SPTBN4: variants seen among roughly 807,000 people sequenced by gnomAD.
SPTBN4 encodes spectrin beta chain, non-erythrocytic 4.
SPTBN4 carries 96 observed loss-of-function variants against 277.8 expected under a neutral mutation model. The observed-to-expected ratio is 0.35, with a 90% confidence interval of 0.29 to 0.41. The LOEUF is 0.41. SPTBN4 is among the 10% of genes least tolerant of loss of function. The pLI, the probability that SPTBN4 is intolerant of heterozygous loss-of-function variation, is 1.00. For synonymous variants in SPTBN4, 1,481 were observed against 1,580.3 expected (o/e 0.94, Z 1.49); for missense variants, 3,006 against 3,595.7 (o/e 0.84, Z 4.19).
chr19:40,550,176 G>C, intron 21 of SPTBN4, 62 bp from the exon 22 acceptor site: 1 of 1,438,870 alleles, frequency 6.9e-7, no homozygotes, highest in South Asian at 1.2e-5. Flanking sequence ...TTAAAGTTTA[G>C]TTGCGATGCA....
chr19:40,549,385 A>G lies in SPTBN4; in HGVS notation c.4556A>G (p.Gln1519Arg). The G allele has an allele frequency of 8.0e-7, 1 of 1,247,584 alleles. No individual in the cohort carries two copies. The highest frequency in any genetic ancestry group is 1.0e-6 in the Non-Finnish European group (1 of 977,970). The allele number at this position is 1,247,584 out of a possible 1,614,324, so 77.3% of individuals were successfully genotyped here. Residue 1519 changes from glutamine (Q) to arginine (R), a missense_variant, in exon 21 of 36, where the codon CAG becomes CGG. Physicochemically the swap from Gln to Arg is conservative, Grantham distance 43. Around this residue, in one of 5 missense-constraint regions of SPTBN4, gnomAD observed 1,759 missense variants for 2,061.5 expected, o/e 0.85. Coordinates refer to ENST00000598249, the MANE Select transcript of SPTBN4 (RefSeq NM_020971.3). The stretch of plus-strand genomic sequence containing the variant: ...CTGCTGGCTTCCAAGGAGTTGCACC[A>G]GGTGGCGCACGACCTGGACGACGAG... ...RLLLASKELH[Q>R]VAHDLDDELA...
chr19:40,541,538 G>A (rs1017779529), intron 20 of SPTBN4, among the ~76,000 whole-genome samples: 8 of 152,178 alleles, frequency 5.3e-5, no homozygotes, highest in Non-Finnish European at 1.0e-4. Context: ...AGCCTGGCAC[G>A]TTTCCTGGCT....
Position 40,513,289 on chromosome 19 carries a change from C to A in SPTBN4, c.2500C>A (p.Arg834Ser). The change falls in exon 14 of 36, where the codon CGC (arginine) becomes AGC (serine). Residue 834 changes from arginine to serine, a missense_variant. Arg to Ser is a moderately radical substitution (Grantham distance 110). Transcript: ENST00000598249. ...TCGCGGGCCCGTGAGCGGCCTGCGGCGCCAGCTGGCGACACTCGGGGGTGC... is the reference window on the plus strand; with the variant it reads ...TCGCGGGCCCGTGAGCGGCCTGCGGAGCCAGCTGGCGACACTCGGGGGTGC... ...AHRGPVSGLR[R>S]QLATLGGASG... is the part of the protein sequence containing the mutation. 1 of 1,544,554 alleles carries A rather than the reference C, an allele frequency of 6.5e-7. No individual in the cohort carries two copies. The highest frequency in any genetic ancestry group is 8.7e-7 in the Non-Finnish European group (1 of 1,149,984).
intron 18 of SPTBN4, chr19:40,530,741 C>T (rs1469189844): frequency 4.7e-6 from 1 of 211,374 alleles, no homozygotes. Context: ...GACCCCCACC[C>T]TGGGGGAGGG....
At chr19:40,504,809 C>G (rs1286008238) in intron 12 of SPTBN4, among the ~76,000 whole-genome samples, 3 of 152,002 alleles carry the variant, frequency 2.0e-5, no homozygotes, top group African/African-American at 7.3e-5. Flanking sequence ...GGTGGTGCCA[C>G]TGCACTCCAT....
chr19:40,517,908 A>C (rs1158928402), intron 15 of SPTBN4, among the ~76,000 whole-genome samples: 1 of 152,214 alleles, frequency 6.6e-6, no homozygotes, highest in East Asian at 1.9e-4. Flanking sequence ...CTGATTTCAG[A>C]GTCCTAATCT....
chr19:40,556,590 G>GATT (rs1035308291), intron 25 of SPTBN4, among the ~76,000 whole-genome samples: 7 of 151,862 alleles, frequency 4.6e-5, no homozygotes, highest in African/African-American at 1.7e-4. Context: ...TTTTTATGAT[G>GATT]ATGATGATGA....
intron 1 of SPTBN4, among the ~76,000 whole-genome samples, chr19:40,469,981 T>A (rs1225691153): frequency 6.7e-6 from 1 of 149,142 alleles, no homozygotes; most frequent in African/African-American, 2.5e-5. Context: ...TGTTTTCTAT[T>A]TTTTTATTTT....
At chr19:40,470,610 C>G (rs1026284023) in intron 1 of SPTBN4, among the ~76,000 whole-genome samples, 15 of 147,512 alleles carry the variant, frequency 1.0e-4, no homozygotes, top group African/African-American at 3.3e-4. Flanking sequence ...CCTGCCCCCT[C>G]CACTTTAAAT....
intron 7 of SPTBN4, among the ~76,000 whole-genome samples, chr19:40,499,636 A>G (rs2080241585): frequency 6.6e-6 from 1 of 150,916 alleles, no homozygotes; most frequent in Non-Finnish European, 1.5e-5. Context: ...GACTCAAGCG[A>G]TCCTCCCACC....
Position 40,555,841 on chromosome 19 carries a change from T to C in SPTBN4, c.5085-243T>C, listed in dbSNP as rs183263546. On this transcript the variant is annotated intron_variant, in intron 24 of 35. Coordinates refer to ENST00000598249, the MANE Select transcript of SPTBN4 (RefSeq NM_020971.3). ...CTGCAATGGGAGGATTGCTTGAGCATGGGAGGTGGAGGCTGCAGTGAGTTG... is the reference window on the plus strand; with the variant it reads ...CTGCAATGGGAGGATTGCTTGAGCACGGGAGGTGGAGGCTGCAGTGAGTTG... 4.9e-3 allele frequency among the ~76,000 whole-genome samples: 747 copies of C among 151,714 alleles called. 9 individuals carry two copies. Among genetic ancestry groups the C allele is most frequent in the African/African-American group, 0.017 (716 of 41,366 alleles).
In SPTBN4 at chr19:40,534,258, A is replaced by G; in HGVS notation, c.4274A>G (p.Lys1425Arg). Residue 1425 changes from lysine (K) to arginine (R), a missense_variant, in exon 20 of 36, where the codon AAG becomes AGG. By Grantham distance (26) the Lys-to-Arg change is conservative. This residue lies in a region of SPTBN4 where 1,759 missense variants were observed against 2,061.5 expected (regional missense o/e 0.85). Transcript: ENST00000598249. ...CAGAGCTTTGCTGAGCTGGACAAGAAGCTCCTTCACATGGAGAGCCAGCTG... is the reference window on the plus strand; with the variant it reads ...CAGAGCTTTGCTGAGCTGGACAAGAGGCTCCTTCACATGGAGAGCCAGCTG... ...LVQSFAELDKKLLHMESQLQD... is the reference protein window; with the variant it reads ...LVQSFAELDKRLLHMESQLQD... 6.2e-7 allele frequency: 1 copy of G among 1,614,150 alleles called. No homozygotes were observed. Among genetic ancestry groups the G allele is most frequent in the Non-Finnish European group, 8.5e-7 (1 of 1,180,028 alleles).
chr19:40,483,825 C>T (rs1409014474), intron 2 of SPTBN4, among the ~76,000 whole-genome samples: 1 of 152,186 alleles, frequency 6.6e-6, no homozygotes, highest in Non-Finnish European at 1.5e-5. Flanking sequence ...CTGGGTTCTG[C>T]CCTGTCTGTA....
At chr19:40,501,269 CTG>C (rs2080260651) in intron 7 of SPTBN4, among the ~76,000 whole-genome samples, 1 of 151,526 alleles carries the variant, frequency 6.6e-6, no homozygotes, top group Non-Finnish European at 1.5e-5. Flanking sequence ...AAGTTGAGCT[CTG>C]AAGAATAAGT....
Position 40,497,587 on chromosome 19 carries a change from G to C in SPTBN4, c.767G>C (p.Arg256Pro). The C allele has an allele frequency of 6.2e-7, 1 of 1,613,812 alleles. No individual in the cohort carries two copies. The highest frequency in any genetic ancestry group is 8.5e-7 in the Non-Finnish European group (1 of 1,179,990). ...GCTGAGCAGCACCTGGGGCTGGCGC[G>C]GCTGCTGGATCCTGAAGGTGAGCCT... ...RTAEQHLGLA[R>P]LLDPEDVNME... The change falls in exon 7 of 36, where the codon CGG (arginine) becomes CCG (proline). Residue 256 changes from arginine (R) to proline (P), a missense_variant. Physicochemically the swap from Arg to Pro is moderately radical, Grantham distance 103. Coordinates refer to ENST00000598249, the MANE Select transcript of SPTBN4 (RefSeq NM_020971.3).
intron 20 of SPTBN4, among the ~76,000 whole-genome samples, chr19:40,545,702 G>A (rs1203046276): frequency 6.6e-6 from 1 of 151,846 alleles, no homozygotes; most frequent in Non-Finnish European, 1.5e-5. Context: ...GTAGTCAAGA[G>A]TTCAAGACTA....
At chr19:40,569,870 C>A in intron 32 of SPTBN4, 144 bp downstream of exon 32, 1 of 769,372 alleles carries the variant, frequency 1.3e-6, no homozygotes, top group Non-Finnish European at 2.0e-6. Flanking sequence ...TCTCAGGGTC[C>A]CCAGAATCTG....
Position 40,515,585 on chromosome 19 carries a change from A to C in SPTBN4, c.2903+137A>C, listed in dbSNP as rs2080445057. The C allele has an allele frequency of 4.7e-6, 5 of 1,062,450 alleles. No homozygotes were observed. Among genetic ancestry groups the C allele is most frequent in the African/African-American group, 1.6e-5 (1 of 61,388 alleles). The allele number at this position is 1,062,450 out of a possible 1,614,324, so 65.8% of individuals were successfully genotyped here. A position where few individuals can be genotyped will look rare whatever the true frequency, so the allele number is the denominator to read the frequency against. Reference sequence around the variant, plus strand: ...TAAATCAACAAAATGTTGACCAAAAATCATAATCCCTGATACTGGTGATGA... The same window carrying C: ...TAAATCAACAAAATGTTGACCAAAACTCATAATCCCTGATACTGGTGATGA... On this transcript the variant is annotated intron_variant, in intron 15 of 35. Transcript: ENST00000598249. This position sits in a 1 kb window ranked among gnomAD's most constrained non-coding sequence, Gnocchi z 4.1.
Position 40,513,421 on chromosome 19 carries a change from C to A in SPTBN4, c.2632C>A (p.Arg878=). Residue 878 remains arginine (R), a synonymous_variant, in exon 14 of 36, where the codon CGG becomes AGG. Coordinates refer to ENST00000598249, the MANE Select transcript of SPTBN4 (RefSeq NM_020971.3). ...EVAALRRQWL[R]DALAVYRMFG... ...GGCGGCGCTGAGGCGCCAGTGGCTGCGGGACGCGCTCGCTGTCTACCGCAT... is the reference window on the plus strand; with the variant it reads ...GGCGGCGCTGAGGCGCCAGTGGCTGAGGGACGCGCTCGCTGTCTACCGCAT... 6.2e-7 allele frequency: 1 copy of A among 1,603,196 alleles called. No homozygotes were observed. Among genetic ancestry groups the A allele is most frequent in the Non-Finnish European group, 8.5e-7 (1 of 1,177,318 alleles).
Sources: gnomAD v4.1 joint callset for allele counts (sites outside exome capture counted in the v4.1 genomes callset) on GRCh38, gnomAD v4.1.1 for gene constraint, gnomAD v4.1.1 regional missense constraint, Gnocchi (gnomAD v3.1) non-coding constraint, MANE v1.5 for transcripts, NCBI Gene and HGNC (gene_info 2026-07-23, HGNC 2026-07-21) for gene names.